UFD1: variants seen among roughly 807,000 people sequenced by gnomAD.
The protein encoded by UFD1 is ubiquitin recognition factor in ER associated degradation 1.
A neutral mutation model predicts 45.9 loss-of-function variants in UFD1; 13 were observed. The observed-to-expected ratio is 0.28, with a 90% confidence interval of 0.18 to 0.45. The LOEUF (loss-of-function observed/expected upper bound fraction) is 0.45, where lower values mean the gene tolerates loss of function less well. Ranked by LOEUF, UFD1 falls within the 20% of genes least tolerant of loss-of-function variation. UFD1 has a pLI of 1.00. For missense variants in UFD1, 218 were observed against 389.2 expected (o/e 0.56, Z 3.70); for synonymous variants, 128 against 139.2 (o/e 0.92, Z 0.56).
At chr22:19,460,257 C>T (rs2089756616) in intron 6 of UFD1, among the ~76,000 whole-genome samples, 1 of 152,160 alleles carries the variant, frequency 6.6e-6, no homozygotes, top group African/African-American at 2.4e-5. Context: ...CTACTATAAA[C>T]ATTCAAACAT....
In UFD1 at chr22:19,450,238, CT is replaced by C. The variant is rs137937633; in HGVS notation, c.*431del. 6.4e-6 allele frequency: 1 copy of C among 155,798 alleles called. No homozygotes were observed. The highest frequency in any genetic ancestry group is 1.8e-4 in the East Asian group (1 of 5,440). 9.7% of individuals were successfully genotyped at this position (155,798 alleles called of 1,614,324 possible). On this transcript the variant is annotated 3_prime_UTR_variant, in exon 12 of 12. Coordinates refer to ENST00000263202, the MANE Select transcript of UFD1 (RefSeq NM_005659.7). ...TATAGAACACATGTCTATTTAAAGC[CT>C]TTTTTTAGGCCAAAGACTGACACCT...
chr22:19,457,519 T>C (rs997420710), intron 7 of UFD1, among the ~76,000 whole-genome samples: 3 of 152,156 alleles, frequency 2.0e-5, no homozygotes, highest in Non-Finnish European at 4.4e-5. Flanking sequence ...CTCTTAAGCA[T>C]ATTCACTCCT....
intron 11 of UFD1, chr22:19,453,352 T>C (rs1315573066): frequency 4.1e-6 from 4 of 985,342 alleles, no homozygotes; most frequent in South Asian, 4.7e-5. Context: ...ACAGCCTTAG[T>C]GGGGCTGCAG....
intron 2 of UFD1, 144 bp downstream of exon 2, chr22:19,475,326 A>G: frequency 3.0e-6 from 4 of 1,327,728 alleles, no homozygotes; most frequent in Admixed American, 4.8e-5. Flanking sequence ...ACCCCAACAG[A>G]GCAAGTCAGG....
At chr22:19,465,381 A>T (rs187859688) in intron 5 of UFD1, 107 bp from the exon 6 acceptor site, 1 of 912,676 alleles carries the variant, frequency 1.1e-6, no homozygotes, top group East Asian at 2.4e-5. Context: ...CCATGATGGT[A>T]CTTGAAACAC....
chr22:19,453,464 C>A (rs898621884), intron 11 of UFD1: 7 of 985,384 alleles, frequency 7.1e-6, no homozygotes, highest in African/African-American at 1.7e-5. Context: ...CTGGCCTCCC[C>A]TGCCTTCTGT....
chr22:19,474,992 A>G, intron 3 of UFD1, 76 bp downstream of exon 3: 1 of 1,405,130 alleles, frequency 7.1e-7, no homozygotes, highest in Non-Finnish European at 9.9e-7. Flanking sequence ...GTCTGGATGT[A>G]CTGAGGAGCC....
intron 1 of UFD1, among the ~76,000 whole-genome samples, chr22:19,476,824 T>C (rs1315682292): frequency 6.6e-6 from 1 of 151,642 alleles, no homozygotes; most frequent in Admixed American, 6.6e-5. Flanking sequence ...CTGGCCAACA[T>C]AGTGAAACCC....
At chr22:19,475,398 T>C in intron 2 of UFD1, 72 bp downstream of exon 2, 1 of 1,583,808 alleles carries the variant, frequency 6.3e-7, no homozygotes, top group Admixed American at 1.8e-5. Flanking sequence ...GCAAAGTAAG[T>C]ACTGTTGAAG....
intron 1 of UFD1, among the ~76,000 whole-genome samples, chr22:19,477,006 CAAAAA>C (rs35775775): frequency 3.3e-4 from 32 of 98,250 alleles, no homozygotes; most frequent in Non-Finnish European, 5.6e-4. Flanking sequence ...GACTCCATCT[CAAAAA>C]AAAAAAAAAA....
intron 9 of UFD1, among the ~76,000 whole-genome samples, chr22:19,456,157 C>T (rs2089721458): frequency 6.6e-6 from 1 of 152,170 alleles, no homozygotes; most frequent in Non-Finnish European, 1.5e-5. Flanking sequence ...TCAGTGCCCA[C>T]ACATGAACCA....
At chr22:19,470,030 C>A in intron 4 of UFD1, 1 of 517,982 alleles carries the variant, frequency 1.9e-6, no homozygotes, top group Non-Finnish European at 3.9e-6. Context: ...GTAGTCACTG[C>A]CTGACACTTC....
At chr22:19,460,624 C>T (rs1236135902) in intron 6 of UFD1, among the ~76,000 whole-genome samples, 1 of 151,818 alleles carries the variant, frequency 6.6e-6, no homozygotes, top group Non-Finnish European at 1.5e-5. Context: ...ACACCAGACG[C>T]CCAGAGCTCA....
At chr22:19,456,524 T>C in intron 9 of UFD1, 63 bp downstream of exon 9, 1 of 1,602,724 alleles carries the variant, frequency 6.2e-7, no homozygotes, top group Non-Finnish European at 8.5e-7. Flanking sequence ...ACACCTTGAG[T>C]GAGTGCTCTA....
chr22:19,458,101 C>G lies in UFD1; in HGVS notation c.534G>C (p.Lys178Asn). ...ELRVMETKPD[K>N]AVSIIECDMN... ...TGTCACACTCAATGATGGACACTGC[C>G]TTGTCGGGTTTGGTCTCCATCACAC... Residue 178 changes from lysine to asparagine, a missense_variant, in exon 7 of 12, where the codon AAG (lysine) becomes AAC (asparagine). This residue lies in a region of UFD1 where 149 missense variants were observed against 307.5 expected (regional missense o/e 0.48). Transcript: ENST00000263202. The G allele has an allele frequency of 5.6e-6, 9 of 1,614,188 alleles. No individual in the cohort carries two copies. The highest frequency in any genetic ancestry group is 6.8e-6 in the Non-Finnish European group (8 of 1,180,016).
intron 11 of UFD1, chr22:19,453,535 C>T (rs1351962985): frequency 4.1e-6 from 4 of 985,392 alleles, no homozygotes; most frequent in Non-Finnish European, 4.8e-6. Context: ...GGTCTTAGGT[C>T]GGAGTCAGGC....
At chr22:19,451,875 T>C in intron 11 of UFD1, 1 of 985,486 alleles carries the variant, frequency 1.0e-6, no homozygotes, top group Non-Finnish European at 1.2e-6. Flanking sequence ...CGCCCTGCCG[T>C]ACCTGGACTG....
chr22:19,476,378 C>T (rs2089881266), intron 1 of UFD1, among the ~76,000 whole-genome samples: 1 of 152,120 alleles, frequency 6.6e-6, no homozygotes, highest in Non-Finnish European at 1.5e-5. Context: ...AGGTCTAGTG[C>T]CTCTCCAGCG....
intron 4 of UFD1, among the ~76,000 whole-genome samples, chr22:19,469,452 A>T (rs1471372841): frequency 6.6e-6 from 1 of 152,126 alleles, no homozygotes; most frequent in South Asian, 2.1e-4. Flanking sequence ...GGCTGCTGGA[A>T]GAGGCCTGAG....
Sources: gnomAD v4.1 joint callset for allele counts (sites outside exome capture counted in the v4.1 genomes callset) on GRCh38, gnomAD v4.1.1 for gene constraint, gnomAD v4.1.1 regional missense constraint, MANE v1.5 for transcripts, NCBI Gene and HGNC (gene_info 2026-07-23, HGNC 2026-07-21) for gene names.